The following HCLS1 variants were observed in gnomAD, a reference collection of about 807,000 sequenced individuals.
The protein encoded by HCLS1 is hematopoietic lineage cell-specific protein.
In HCLS1, 44 loss-of-function variants were observed where a neutral mutation model predicts 68.6. The observed-to-expected ratio is 0.64, with a 90% CI of 0.50 to 0.82. The LOEUF is 0.82. Ranked by LOEUF, HCLS1 falls within the 40% of genes least tolerant of loss-of-function variation. The pLI is 0.00. For missense variants in HCLS1, 602 were observed against 612.1 expected, an observed-to-expected ratio of 0.98 and a Z score of 0.17; for synonymous variants, 217 against 225.8, an observed-to-expected ratio of 0.96 and a Z score of 0.35.
chr3:121,649,397 G>A (rs753862912), intron 3 of HCLS1, among the ~76,000 whole-genome samples: 19 of 152,070 alleles, frequency 1.2e-4, no homozygotes, highest in East Asian at 3.9e-4. Context: ...GTCATGCCCC[G>A]CTAGATTTTG....
chr3:121,645,850 T>C (rs554751479), intron 4 of HCLS1, among the ~76,000 whole-genome samples: 2 of 146,444 alleles, frequency 1.4e-5, no homozygotes, highest in African/African-American at 5.0e-5. Flanking sequence ...TACTTAAATA[T>C]TATATACTAT....
chr3:121,636,423 C>A lies in HCLS1; in HGVS notation c.621+11G>T, dbSNP rs141551761. On this transcript the variant is annotated intron_variant, in intron 8 of 13. Coordinates refer to ENST00000314583, the MANE Select transcript of HCLS1 (RefSeq NM_005335.6). ...AACTCTTCTTAAGACATTGGTGTTC[C>A]GGTGCTTTACCTTATCCACTCGGTC... 2 of 1,606,812 alleles carry A rather than the reference C, an allele frequency of 1.2e-6. No individual in the cohort carries two copies. The highest frequency in any genetic ancestry group is 2.7e-5 in the African/African-American group (2 of 74,798).
chr3:121,659,083 G>A (rs558174183), intron 1 of HCLS1, among the ~76,000 whole-genome samples: 23 of 152,270 alleles, frequency 1.5e-4, no homozygotes, highest in Non-Finnish European at 2.2e-4. Flanking sequence ...ACAATTTACC[G>A]TAGAAAAGAA....
At chr3:121,640,375 C>T (rs1028642027) in intron 6 of HCLS1, among the ~76,000 whole-genome samples, 4 of 152,120 alleles carry the variant, frequency 2.6e-5, no homozygotes, top group African/African-American at 7.2e-5. Flanking sequence ...AAACAAATAT[C>T]CCTCTCCTTC....
Position 121,631,793 on chromosome 3 carries a change from C to T in HCLS1, c.*53G>A, listed in dbSNP as rs915647986. On this transcript the variant is annotated 3_prime_UTR_variant, in exon 14 of 14. Transcript: ENST00000314583. ...AGCAGGAATAGGGAGGGGGTGGAGG[C>T]AGAGCCACTTTGGACATGGGAAATC... The T allele has an allele frequency of 1.4e-5, 22 of 1,600,268 alleles. No individual in the cohort carries two copies. The Middle Eastern group carries it at 5.1e-4, about 37-fold the overall frequency.
At chr3:121,635,217 C>G (rs62268723) in intron 9 of HCLS1, among the ~76,000 whole-genome samples, 1 of 149,808 alleles carries the variant, frequency 6.7e-6, no homozygotes, top group African/African-American at 2.5e-5. Context: ...CTTTCTCTCT[C>G]TCTCTCTCTT....
Position 121,644,866 on chromosome 3 carries a change from G to A in HCLS1, c.351C>T (p.Ala117=), listed in dbSNP as rs1445769461. 1.2e-6 allele frequency: 2 copies of A among 1,613,940 alleles called. No homozygotes were observed. The highest frequency in any genetic ancestry group is 1.3e-5 in the African/African-American group (1 of 74,890). The change falls in exon 5 of 14, where the codon GCC becomes GCT. Residue 117 remains alanine, a synonymous_variant. Transcript: ENST00000314583. ...CTCCGTACTTGCCCCCAAAGCCTTT[G>A]GCAGCATCCGTCTGAGAAGAGTGCT... ...VEKHSSQTDA[A]KGFGGKYGVE...
chr3:121,639,083 G>T (rs2049175327), intron 6 of HCLS1, among the ~76,000 whole-genome samples: 1 of 151,750 alleles, frequency 6.6e-6, no homozygotes, highest in Non-Finnish European at 1.5e-5. Flanking sequence ...GACAGAAGTA[G>T]AAAGAGAAAT....
chr3:121,633,260 G>T, intron 10 of HCLS1, 89 bp from the exon 11 acceptor site: 1 of 829,808 alleles, frequency 1.2e-6, no homozygotes, highest in Non-Finnish European at 1.9e-6. Flanking sequence ...CTGTAGCCCA[G>T]GCTGGAGTGC....
At chr3:121,632,591 G>A in intron 11 of HCLS1, 28 bp from the exon 12 acceptor site, 2 of 1,584,036 alleles carry the variant, frequency 1.3e-6, no homozygotes, top group East Asian at 2.2e-5. Flanking sequence ...GGAGCACTGT[G>A]ACTTCCACTT....
rs1937638727 is a variant in HCLS1 at position 121,647,464 on chromosome 3, T to A, written c.159-16A>T. ...CTGGTGGATGCTGGAAGAAACCACA[T>A]GACCAAGGCTCATCTATCCTAGGGA... On this transcript the variant is annotated splice_polypyrimidine_tract_variant and intron_variant, in intron 3 of 13. Coordinates refer to ENST00000314583, the MANE Select transcript of HCLS1 (RefSeq NM_005335.6). 1 of 1,613,778 alleles carries A rather than the reference T, an allele frequency of 6.2e-7. No homozygotes were observed.
intron 9 of HCLS1, 93 bp downstream of exon 9, chr3:121,635,641 AG>A (rs2108857557): frequency 1.1e-6 from 1 of 944,580 alleles, no homozygotes; most frequent in Non-Finnish European, 1.7e-6. Context: ...CAGCTAATCT[AG>A]GTAGTTAAAG....
At chr3:121,642,502 G>A (rs1352348224) in intron 6 of HCLS1, among the ~76,000 whole-genome samples, 1 of 151,514 alleles carries the variant, frequency 6.6e-6, no homozygotes, top group East Asian at 1.9e-4. Context: ...ATAGCGGTGG[G>A]TGTGGTGGCT....
intron 3 of HCLS1, among the ~76,000 whole-genome samples, chr3:121,649,432 A>C (rs1937690638): frequency 6.6e-6 from 1 of 152,094 alleles, no homozygotes; most frequent in Non-Finnish European, 1.5e-5. Flanking sequence ...ACAGGGTTTC[A>C]CCATGTTGGC....
At position 121,635,807 on chromosome 3, in the gene HCLS1, G is replaced by A; in HGVS notation, c.622-3C>T. 1.2e-6 allele frequency: 2 copies of A among 1,613,714 alleles called. No homozygotes were observed. Among genetic ancestry groups the A allele is most frequent in the South Asian group, 1.1e-5 (1 of 91,078 alleles). ...ATTTCATTGAAGCCGACAGCGCTCT[G>A]CAGGCAGGAGAACAGCATGTGTGTT... On this transcript the variant is annotated splice_region_variant and splice_polypyrimidine_tract_variant and intron_variant, in intron 8 of 13. Transcript: ENST00000314583.
chr3:121,646,425 TATA>T (rs1204601322), intron 4 of HCLS1, among the ~76,000 whole-genome samples: 3 of 102,414 alleles, frequency 2.9e-5, no homozygotes, highest in South Asian at 3.2e-4. Flanking sequence ...TAATATGTAA[TATA>T]ATGTATTAAT....
At chr3:121,645,190 G>A (rs1382645274) in intron 4 of HCLS1, among the ~76,000 whole-genome samples, 1 of 152,204 alleles carries the variant, frequency 6.6e-6, no homozygotes. Context: ...CCAGGGGATA[G>A]AGACAAGGTA....
intron 10 of HCLS1, among the ~76,000 whole-genome samples, chr3:121,633,882 T>C (rs946936071): frequency 6.6e-6 from 1 of 152,182 alleles, no homozygotes. Context: ...TCTCCCACTC[T>C]CTGCCAATTC....
chr3:121,653,713 CT>C (rs1188268702), intron 3 of HCLS1: 1 of 152,226 alleles, frequency 6.6e-6, no homozygotes, highest in Non-Finnish European at 1.5e-5. Flanking sequence ...TTACACCATT[CT>C]TTATTTCCAC....
Sources: gnomAD v4.1 joint callset for allele counts (sites outside exome capture counted in the v4.1 genomes callset) on GRCh38, gnomAD v4.1.1 for gene constraint, MANE v1.5 for transcripts, NCBI Gene and HGNC (gene_info 2026-07-23, HGNC 2026-07-21) for gene names.